The following USH2A variants were observed in gnomAD, a reference collection of about 807,000 sequenced individuals.
The protein encoded by USH2A is usherin.
Under a neutral mutation model 538.9 loss-of-function variants are expected in USH2A, and 443 were observed. That is an observed-to-expected ratio of 0.82 (90% CI 0.76 to 0.89). The LOEUF (loss-of-function observed/expected upper bound fraction) is 0.89. USH2A is among the 40% of genes least tolerant of loss of function. The pLI, the probability that USH2A is intolerant of heterozygous loss-of-function variation, is 0.00. For missense variants in USH2A, 6,633 were observed against 6,324.8 expected (o/e 1.05, Z -1.65); for synonymous variants, 2,413 against 2,273.5 (o/e 1.06, Z -1.75).
Position 216,030,045 on chromosome 1 carries a change from G to GATATATATCACAGATATATAATATATGA in USH2A, c.6325+16385_6325+16386insTCATATATTATATATCTGTGATATATAT, listed in dbSNP as rs1558220423. Among the ~76,000 whole-genome samples the GATATATATCACAGATATATAATATATGA allele has an allele frequency of 2.2e-3, 118 of 54,086 alleles. 1 individual carries two copies. Among genetic ancestry groups the GATATATATCACAGATATATAATATATGA allele is most frequent in the Non-Finnish European group, 3.5e-3 (73 of 20,804 alleles). The allele number at this position is 54,086 out of a possible 152,430, so 35.5% of individuals were successfully genotyped here. A position where few individuals can be genotyped will look rare whatever the true frequency, so the allele number is the denominator to read the frequency against. On this transcript the variant is annotated intron_variant, in intron 32 of 71. Coordinates refer to ENST00000307340, the MANE Select transcript of USH2A (RefSeq NM_206933.4). ...ATATATCACAGATATATAATATATG[G>GATATATATCACAGATATATAATATATGA]TATATATGATATATCACAGATATAT...
intron 32 of USH2A, among the ~76,000 whole-genome samples, chr1:216,022,846 A>G (rs888079031): frequency 6.6e-6 from 1 of 152,138 alleles, no homozygotes; most frequent in African/African-American, 2.4e-5. Context: ...CAGCAGTGGG[A>G]GAGCTCAGGT....
chr1:216,032,183 A>T (rs182788112), intron 32 of USH2A, among the ~76,000 whole-genome samples: 1 of 152,322 alleles, frequency 6.6e-6, no homozygotes, highest in East Asian at 1.9e-4. Context: ...CATGAAGTTT[A>T]GAGACATGCT....
rs1342140576 is a variant in USH2A at position 215,640,683 on chromosome 1, C to G, written c.14843G>C (p.Cys4948Ser). ...GAGGAAGGTGTCACTCCAGTTCACA[C>G]ACACCACAGACAAATTGCTGTCCAC... ...FSVDSNLSVV[C>S]VNWSDTFLLN... Residue 4948 changes from cysteine to serine, a missense_variant, in exon 68 of 72, where the codon TGT becomes TCT. Coordinates refer to ENST00000307340, the MANE Select transcript of USH2A (RefSeq NM_206933.4). 6.2e-7 allele frequency: 1 copy of G among 1,613,922 alleles called. No homozygotes were observed. Among genetic ancestry groups the G allele is most frequent in the Non-Finnish European group, 8.5e-7 (1 of 1,179,990 alleles).
At chr1:216,137,820 A>C (rs2033515892) in intron 21 of USH2A, among the ~76,000 whole-genome samples, 1 of 152,152 alleles carries the variant, frequency 6.6e-6, no homozygotes, top group Non-Finnish European at 1.5e-5. Flanking sequence ...GTATCCTTAA[A>C]TCCAATCAAG....
intron 46 of USH2A, among the ~76,000 whole-genome samples, chr1:215,840,155 C>T (rs1200096472): frequency 2.1e-5 from 2 of 96,586 alleles, no homozygotes; most frequent in African/African-American, 8.6e-5. Context: ...AAGAGTGAGA[C>T]TCTGTCTCAA....
At chr1:216,014,578 A>G (rs909809811) in intron 32 of USH2A, among the ~76,000 whole-genome samples, 15 of 152,228 alleles carry the variant, frequency 9.9e-5, no homozygotes, top group South Asian at 4.1e-4. Flanking sequence ...CCCTGAAAAC[A>G]TAAGGCCACT....
intron 3 of USH2A, among the ~76,000 whole-genome samples, chr1:216,374,434 C>A (rs1037198844): frequency 1.3e-5 from 2 of 151,988 alleles, no homozygotes; most frequent in East Asian, 3.9e-4. Context: ...ATACAGTGAT[C>A]ATATTATATC....
chr1:215,675,573 A>T lies in USH2A; in HGVS notation c.12338T>A (p.Leu4113Ter). 1 of 1,614,170 alleles carries T rather than the reference A, an allele frequency of 6.2e-7. No individual in the cohort carries two copies. The highest frequency in any genetic ancestry group is 1.7e-4 in the Middle Eastern group (1 of 6,060). ...GCGGCGGAAGAGAAACTGACGATTC[A>T]AACCAGAGTACTCCAGGAACCCGTC... Reference protein sequence around the residue: ...FSDGFLEYSGLNRQFLFRRLD... With the variant: ...FSDGFLEYSG Residue 4113 changes from leucine (L) to a stop codon, truncating the protein, a stop_gained, in exon 63 of 72, where the codon TTG becomes TAG. Coordinates refer to ENST00000307340, the MANE Select transcript of USH2A (RefSeq NM_206933.4). LOFTEE classifies it high-confidence loss of function.
At chr1:216,038,381 G>C (rs1236697985) in intron 32 of USH2A, among the ~76,000 whole-genome samples, 1 of 151,956 alleles carries the variant, frequency 6.6e-6, no homozygotes, top group African/African-American at 2.4e-5. Context: ...CCTCAAACTA[G>C]ATCTGGTTCA....
intron 55 of USH2A, among the ~76,000 whole-genome samples, chr1:215,770,817 C>A (rs1571669116): frequency 6.6e-6 from 1 of 151,838 alleles, no homozygotes; most frequent in South Asian, 2.1e-4. Flanking sequence ...TAAGAAAGGG[C>A]CGGGACCGGT....
Position 216,015,589 on chromosome 1 carries a change from C to T in USH2A, c.6326-15027G>A, listed in dbSNP as rs578060527. 1.1e-4 allele frequency among the ~76,000 whole-genome samples: 17 copies of T among 152,334 alleles called. 1 individual carries two copies. Among genetic ancestry groups the T allele is most frequent in the Middle Eastern group, 6.8e-3 (2 of 294 alleles). ...GAGTTGAAATCACTTTGAGGAATCG[C>T]CACACTGTCTTCCACAATGGTTGAA... On this transcript the variant is annotated intron_variant, in intron 32 of 71. Coordinates refer to ENST00000307340, the MANE Select transcript of USH2A (RefSeq NM_206933.4).
intron 61 of USH2A, among the ~76,000 whole-genome samples, chr1:215,695,439 TAG>T (rs1358564987): frequency 6.6e-6 from 1 of 152,168 alleles, no homozygotes; most frequent in African/African-American, 2.4e-5. Flanking sequence ...TAAACAATTA[TAG>T]AGTTCAGCAA....
chr1:216,077,799 T>C (rs577191669), intron 27 of USH2A, among the ~76,000 whole-genome samples: 2 of 150,626 alleles, frequency 1.3e-5, no homozygotes, highest in African/African-American at 2.4e-5. Context: ...ACCACATATA[T>C]AATTATATGT....
chr1:216,134,277 A>C (rs932799889), intron 21 of USH2A, among the ~76,000 whole-genome samples: 2 of 152,138 alleles, frequency 1.3e-5, no homozygotes, highest in Non-Finnish European at 2.9e-5. Context: ...GGGAAATTAC[A>C]TGTACAATTT....
chr1:215,794,383 A>T (rs1340036055), intron 50 of USH2A, among the ~76,000 whole-genome samples: 1 of 152,206 alleles, frequency 6.6e-6, no homozygotes, highest in Admixed American at 6.5e-5. Flanking sequence ...CAGGCACACA[A>T]TGCCAGGCAG....
chr1:215,625,742 C>T lies in USH2A; in HGVS notation c.*39G>A, dbSNP rs1407233077. ...TAACCCAGGAGGAAATGGGTGCAGA[C>T]CTTGCATTCCAGGGTTACGTCTTCT... is the stretch of plus-strand genomic sequence containing the variant. On this transcript the variant is annotated 3_prime_UTR_variant, in exon 72 of 72. Transcript: ENST00000307340. The T allele has an allele frequency of 6.3e-7, 1 of 1,594,650 alleles. No individual in the cohort carries two copies.
Position 215,680,308 on chromosome 1 carries a change from A to G in USH2A, c.12135T>C (p.Ala4045=). 1 of 1,614,162 alleles carries G rather than the reference A, an allele frequency of 6.2e-7. No individual in the cohort carries two copies. Among genetic ancestry groups the G allele is most frequent in the Non-Finnish European group, 8.5e-7 (1 of 1,180,002 alleles). The change falls in exon 62 of 72, where the codon GCT becomes GCC. Residue 4045 remains alanine (A), a synonymous_variant. Coordinates refer to ENST00000307340, the MANE Select transcript of USH2A (RefSeq NM_206933.4). ...PFTTYRIGVV[A]ANHAGEILSP... ...TTAAAATTTCTCCTGCATGGTTTGC[A>G]GCCACAACACCAATGCGATATGTTG...
chr1:215,655,505 A>G (rs1657211735), intron 64 of USH2A, among the ~76,000 whole-genome samples: 2 of 152,118 alleles, frequency 1.3e-5, no homozygotes, highest in Admixed American at 6.5e-5. Context: ...GCAGAGTAAC[A>G]TTATTCTAAA....
chr1:216,206,833 T>C (rs1371627518), intron 16 of USH2A, among the ~76,000 whole-genome samples: 1 of 152,226 alleles, frequency 6.6e-6, no homozygotes, highest in Non-Finnish European at 1.5e-5. Context: ...ATGGACATCT[T>C]GTGTGTCTAC....
Sources: allele counts gnomAD v4.1 joint callset (sites outside exome capture counted in the v4.1 genomes callset), GRCh38; gene constraint gnomAD v4.1.1; transcripts MANE v1.5; gene names NCBI Gene and HGNC (gene_info 2026-07-23, HGNC 2026-07-21).